Variants in KLHL1 observed in about 807,000 individuals in gnomAD.
The protein encoded by KLHL1 is kelch like family member 1, also known as kelch-like protein 1.
KLHL1 carries 47 observed loss-of-function variants against 77.7 expected under a neutral mutation model. The observed-to-expected ratio is 0.60, with a 90% CI of 0.48 to 0.77. The LOEUF (loss-of-function observed/expected upper bound fraction) is 0.77. KLHL1 is among the 30% of genes least tolerant of loss of function. The pLI is 0.00. For missense variants in KLHL1, 925 were observed against 910.8 expected (o/e 1.02, Z -0.20); for synonymous variants, 360 against 325.2 (o/e 1.11, Z -1.15).
chr13:70,081,057 G>A (rs543966761), intron 1 of KLHL1, among the ~76,000 whole-genome samples: 40 of 152,188 alleles, frequency 2.6e-4, no homozygotes, highest in African/African-American at 9.2e-4. Flanking sequence ...TAGAAATTTT[G>A]GGGAAAAATT....
chr13:70,013,209 G>A (rs2137341182), intron 1 of KLHL1, among the ~76,000 whole-genome samples: 1 of 152,022 alleles, frequency 6.6e-6, no homozygotes, highest in African/African-American at 2.4e-5. Flanking sequence ...CAAAAGTAAA[G>A]GACACTTCAA....
intron 1 of KLHL1, among the ~76,000 whole-genome samples, chr13:70,084,476 T>TTTTTTTTTTTTTA (rs1566562192): frequency 6.8e-6 from 1 of 146,852 alleles, no homozygotes; most frequent in Admixed American, 6.8e-5. Flanking sequence ...TTTTTTTTTT[T>TTTTTTTTTTTTTA]TGAGACGGAG....
chr13:69,905,225 G>A (rs998474941), intron 4 of KLHL1, among the ~76,000 whole-genome samples: 2 of 152,044 alleles, frequency 1.3e-5, no homozygotes, highest in Non-Finnish European at 2.9e-5. Context: ...TTTAAAATGT[G>A]GTGTGAAGAC....
chr13:69,772,008 G>C (rs1875594295), intron 7 of KLHL1, among the ~76,000 whole-genome samples: 1 of 152,010 alleles, frequency 6.6e-6, no homozygotes, highest in South Asian at 2.1e-4. Flanking sequence ...CAGGAATGCA[G>C]TGGCACAGTC....
At chr13:69,841,809 C>G (rs975636166) in intron 5 of KLHL1, among the ~76,000 whole-genome samples, 1 of 151,302 alleles carries the variant, frequency 6.6e-6, no homozygotes, top group Non-Finnish European at 1.5e-5. Context: ...CTGACTTAAC[C>G]CAAGCAGCAC....
intron 1 of KLHL1, among the ~76,000 whole-genome samples, chr13:70,036,835 C>CTTTTTTTTTTTTTTTTTTTTTTCTTTTTT (rs1886250580): frequency 2.0e-5 from 1 of 50,684 alleles, no homozygotes; most frequent in Non-Finnish European, 3.6e-5. Context: ...ATGCCATGGT[C>CTTTTTTTTTTTTTTTTTTTTTTCTTTTTT]TTTTTTTTTT....
At chr13:69,989,349 C>T (rs944614200) in intron 1 of KLHL1, among the ~76,000 whole-genome samples, 17 of 151,752 alleles carry the variant, frequency 1.1e-4, no homozygotes, top group African/African-American at 2.7e-4. Context: ...TGTTGTTTTG[C>T]TTACTGTAGC....
At chr13:70,031,997 G>T (rs1388996348) in intron 1 of KLHL1, among the ~76,000 whole-genome samples, 1 of 152,128 alleles carries the variant, frequency 6.6e-6, no homozygotes, top group Non-Finnish European at 1.5e-5. Context: ...AGCCCTGGGG[G>T]TGAATCCTGA....
At chr13:69,991,676 CAAA>C (rs56960573) in intron 1 of KLHL1, among the ~76,000 whole-genome samples, 1 of 140,202 alleles carries the variant, frequency 7.1e-6, no homozygotes, top group Non-Finnish European at 1.6e-5. Flanking sequence ...GCCTATCAAC[CAAA>C]AAAAAAAAGC....
chr13:69,720,045 A>C (rs1158289412), intron 8 of KLHL1, among the ~76,000 whole-genome samples: 2 of 152,086 alleles, frequency 1.3e-5, no homozygotes. Context: ...GTTTAGAACA[A>C]TAAATAAATG....
chr13:69,852,469 T>A (rs1879729363), intron 5 of KLHL1, among the ~76,000 whole-genome samples: 1 of 151,976 alleles, frequency 6.6e-6, no homozygotes, highest in Admixed American at 6.6e-5. Context: ...GACGTGGACC[T>A]AGTGTTAAAC....
chr13:70,021,081 T>C (rs751753150), intron 1 of KLHL1, among the ~76,000 whole-genome samples: 19 of 152,106 alleles, frequency 1.2e-4, no homozygotes, highest in Non-Finnish European at 2.6e-4. Flanking sequence ...CTCAGTGTTG[T>C]CCATTCTGTG....
chr13:69,885,985 G>A (rs111484412), intron 4 of KLHL1, among the ~76,000 whole-genome samples: 1,707 of 152,240 alleles, frequency 0.011, 37 homozygotes, highest in African/African-American at 0.037. Context: ...AGGGAGTATA[G>A]TATGTGATGC....
intron 6 of KLHL1, among the ~76,000 whole-genome samples, chr13:69,823,455 A>C (rs1281183374): frequency 1.3e-5 from 2 of 152,038 alleles, no homozygotes; most frequent in African/African-American, 4.8e-5. Flanking sequence ...AAAATTAAAA[A>C]ATCATTAAAA....
intron 3 of KLHL1, among the ~76,000 whole-genome samples, chr13:69,941,324 A>C (rs936572723): frequency 5.1e-4 from 78 of 152,220 alleles, no homozygotes; most frequent in African/African-American, 1.8e-3. Flanking sequence ...AATGCATGGA[A>C]GTTAATACTC....
intron 1 of KLHL1, among the ~76,000 whole-genome samples, chr13:70,037,104 G>T (rs767141707): frequency 6.6e-6 from 1 of 151,778 alleles, no homozygotes; most frequent in East Asian, 1.9e-4. Context: ...GTTGATTGTT[G>T]TAATGCCAAT....
At chr13:69,746,257 T>A (rs1874209215) in intron 7 of KLHL1, among the ~76,000 whole-genome samples, 1 of 151,880 alleles carries the variant, frequency 6.6e-6, no homozygotes, top group Non-Finnish European at 1.5e-5. Flanking sequence ...ATAATACCAG[T>A]TGTATTTCTT....
intron 1 of KLHL1, among the ~76,000 whole-genome samples, chr13:70,068,962 GA>G (rs905549632): frequency 7.2e-5 from 11 of 151,934 alleles, no homozygotes; most frequent in Non-Finnish European, 8.8e-5. Flanking sequence ...AGAGAAAGAA[GA>G]AAAAAAGCAA....
intron 8 of KLHL1, among the ~76,000 whole-genome samples, chr13:69,739,371 T>G (rs748420753): frequency 2.2e-4 from 34 of 152,140 alleles, no homozygotes; most frequent in Non-Finnish European, 2.4e-4. Context: ...CAGACAGCAT[T>G]ATGATGTCAG....
Sources: allele counts gnomAD v4.1 joint callset (sites outside exome capture counted in the v4.1 genomes callset), GRCh38; gene constraint gnomAD v4.1.1; transcripts MANE v1.5; gene names NCBI Gene and HGNC (gene_info 2026-07-23, HGNC 2026-07-21).